The following AUH variants were observed in gnomAD, a reference collection of about 807,000 sequenced individuals.
The protein encoded by AUH is AU RNA binding methylglutaconyl-CoA hydratase.
Under a neutral mutation model 42.3 loss-of-function variants are expected in AUH, and 29 were observed. The observed-to-expected ratio is 0.69, with a 90% CI of 0.51 to 0.93. The LOEUF (loss-of-function observed/expected upper bound fraction) is 0.93. Among genes scored for constraint, AUH ranks in the 40% least tolerant of loss-of-function variants. The pLI is 0.00. For synonymous variants in AUH, 174 were observed against 166.4 expected, an observed-to-expected ratio of 1.05 and a Z score of -0.35; for missense variants, 452 against 438.1, an observed-to-expected ratio of 1.03 and a Z score of -0.28.
intron 3 of AUH, among the ~76,000 whole-genome samples, chr9:91,353,820 CAAAAAAAAAAAAAA>C (rs56842895): frequency 5.4e-4 from 15 of 27,648 alleles, no homozygotes; most frequent in African/African-American, 1.7e-3. Context: ...GACTCCGTCT[CAAAAAAAAAAAAAA>C]AAAAAAAAAA....
At chr9:91,240,004 A>C (rs950824145) in intron 6 of AUH, among the ~76,000 whole-genome samples, 3 of 152,240 alleles carry the variant, frequency 2.0e-5, no homozygotes, top group African/African-American at 7.2e-5. Context: ...TATTTATTAT[A>C]GAAAGCTTTT....
At chr9:91,358,878 T>C (rs927189189) in intron 1 of AUH, among the ~76,000 whole-genome samples, 3 of 152,224 alleles carry the variant, frequency 2.0e-5, no homozygotes, top group Non-Finnish European at 2.9e-5. Flanking sequence ...CTGTAGGCTT[T>C]TGGTATTCTA....
chr9:91,280,283 TAA>T (rs1298223688), intron 6 of AUH, among the ~76,000 whole-genome samples: 1 of 152,220 alleles, frequency 6.6e-6, no homozygotes, highest in African/African-American at 2.4e-5. Context: ...CTAGACTGCT[TAA>T]AGTGATTCTT....
intron 6 of AUH, among the ~76,000 whole-genome samples, chr9:91,231,588 G>A (rs1487598239): frequency 2.0e-5 from 3 of 152,192 alleles, no homozygotes; most frequent in Non-Finnish European, 4.4e-5. Flanking sequence ...CTTCTAAACA[G>A]TCTTGGTGAC....
At chr9:91,302,267 C>T (rs1215422448) in intron 4 of AUH, among the ~76,000 whole-genome samples, 4 of 151,472 alleles carry the variant, frequency 2.6e-5, no homozygotes, top group Admixed American at 6.6e-5. Flanking sequence ...CAGGAGTTGG[C>T]GACCAGCCTG....
intron 6 of AUH, among the ~76,000 whole-genome samples, chr9:91,245,429 C>A (rs561774207): frequency 6.6e-5 from 10 of 152,168 alleles, no homozygotes; most frequent in African/African-American, 2.4e-4. Flanking sequence ...CAGAAGACAG[C>A]CATTTTGGTT....
chr9:91,265,677 C>G (rs1004177594), intron 6 of AUH, among the ~76,000 whole-genome samples: 6 of 152,130 alleles, frequency 3.9e-5, no homozygotes, highest in Non-Finnish European at 8.8e-5. Flanking sequence ...GCAGTAGACT[C>G]CACAGAATGA....
At chr9:91,343,213 C>G (rs982649901) in intron 3 of AUH, 1 of 152,070 alleles carries the variant, frequency 6.6e-6, no homozygotes, top group Non-Finnish European at 1.5e-5. Flanking sequence ...CTCCTAACCT[C>G]TCATGTTGCT....
chr9:91,304,493 T>C (rs1240159410), intron 4 of AUH, among the ~76,000 whole-genome samples: 1 of 152,216 alleles, frequency 6.6e-6, no homozygotes, highest in Non-Finnish European at 1.5e-5. Flanking sequence ...ACAGCCTCAC[T>C]GCAGTGCTGC....
chr9:91,261,983 C>G (rs532601241), intron 6 of AUH, among the ~76,000 whole-genome samples: 2 of 152,048 alleles, frequency 1.3e-5, no homozygotes, highest in Non-Finnish European at 2.9e-5. Flanking sequence ...CTTGAATAAC[C>G]AAAAATGACT....
At chr9:91,321,194 A>G (rs1370837088) in intron 4 of AUH, among the ~76,000 whole-genome samples, 1 of 152,186 alleles carries the variant, frequency 6.6e-6, no homozygotes, top group African/African-American at 2.4e-5. Context: ...TATTTTTAAC[A>G]ATATTCAGCT....
intron 6 of AUH, among the ~76,000 whole-genome samples, chr9:91,244,737 G>A (rs970305041): frequency 2.3e-4 from 35 of 152,142 alleles, no homozygotes; most frequent in Non-Finnish European, 5.9e-5. Flanking sequence ...CCAGGAGAAT[G>A]TGTGAAGGGA....
In AUH at chr9:91,288,052, G is replaced by A. The variant is rs567410680; in HGVS notation, c.655+7969C>T. ...AGTTTGAATATGCCTCCCCCCAGAA[G>A]CTGGGGGGAATAAAAAAGGAATTCA... On this transcript the variant is annotated intron_variant, in intron 6 of 9. Transcript: ENST00000375731. Among the ~76,000 whole-genome samples, 5 of 152,108 alleles carry A rather than the reference G, an allele frequency of 3.3e-5. 1 individual carries two copies. The highest frequency in any genetic ancestry group is 1.2e-4 in the African/African-American group (5 of 41,522).
At chr9:91,229,455 C>G (rs1291542355) in intron 6 of AUH, among the ~76,000 whole-genome samples, 1 of 150,592 alleles carries the variant, frequency 6.6e-6, no homozygotes, top group Non-Finnish European at 1.5e-5. Flanking sequence ...TGTCTCTGCA[C>G]GTGAGATGGG....
At chr9:91,311,724 C>A (rs1239975746) in intron 4 of AUH, among the ~76,000 whole-genome samples, 2 of 152,156 alleles carry the variant, frequency 1.3e-5, no homozygotes, top group African/African-American at 2.4e-5. Context: ...CAATATGGGT[C>A]CCAATAGTGA....
At chr9:91,325,289 T>C (rs1000130658) in intron 4 of AUH, 29 bp downstream of exon 4, 1 of 1,581,002 alleles carries the variant, frequency 6.3e-7, no homozygotes, top group African/African-American at 1.3e-5. Flanking sequence ...CCCTTCGGCA[T>C]GCTGAAAGAA....
intron 6 of AUH, among the ~76,000 whole-genome samples, chr9:91,252,121 C>A (rs1368213639): frequency 6.6e-6 from 1 of 152,060 alleles, no homozygotes; most frequent in East Asian, 1.9e-4. Context: ...AGCCCGCCAC[C>A]ATGCCCAGCT....
At chr9:91,222,155 T>TAA (rs140647812) in intron 6 of AUH, among the ~76,000 whole-genome samples, 1 of 149,438 alleles carries the variant, frequency 6.7e-6, no homozygotes, top group African/African-American at 2.4e-5. Context: ...GATTTTATCT[T>TAA]AAAAAAAAAA....
chr9:91,329,064 T>C, intron 3 of AUH, among the ~76,000 whole-genome samples: 1 of 152,212 alleles, frequency 6.6e-6, no homozygotes, highest in East Asian at 1.9e-4. Flanking sequence ...GGCTTGCTTT[T>C]CAGGTTCATG....
Sources: gnomAD v4.1 joint callset for allele counts (sites outside exome capture counted in the v4.1 genomes callset) on GRCh38, gnomAD v4.1.1 for gene constraint, MANE v1.5 for transcripts, NCBI Gene and HGNC (gene_info 2026-07-23, HGNC 2026-07-21) for gene names.